The following EYS variants were observed in gnomAD, a reference collection of about 807,000 sequenced individuals.
EYS encodes protein eyes shut homolog.
A neutral mutation model predicts 282.1 loss-of-function variants in EYS; 250 were observed. The ratio of observed to expected loss-of-function variants is 0.89; its 90% CI spans 0.80 to 0.98. The LOEUF (loss-of-function observed/expected upper bound fraction) is 0.98, where lower values mean the gene tolerates loss of function less well. EYS is among the 50% of genes least tolerant of loss of function. The pLI, the probability that EYS is intolerant of heterozygous loss-of-function variation, is 0.00. For synonymous variants in EYS, 1,355 were observed against 1,282.9 expected (o/e 1.06, Z -1.20); for missense variants, 4,016 against 3,709.0 (o/e 1.08, Z -2.15).
chr6:65,379,085 AAAG>A (rs1765510567), intron 8 of EYS, among the ~76,000 whole-genome samples: 1 of 152,018 alleles, frequency 6.6e-6, no homozygotes, highest in African/African-American at 2.4e-5. Context: ...AACAGAAAAA[AAAG>A]AGAGGGACTC....
chr6:63,772,330 T>C (rs1769951594), intron 40 of EYS, among the ~76,000 whole-genome samples: 1 of 152,150 alleles, frequency 6.6e-6, no homozygotes, highest in African/African-American at 2.4e-5. Context: ...TTCCAGTTCA[T>C]ATTAAGGATT....
intron 35 of EYS, among the ~76,000 whole-genome samples, chr6:63,957,784 C>T (rs1478853898): frequency 7.1e-6 from 1 of 140,480 alleles, no homozygotes; most frequent in African/African-American, 2.4e-5. Context: ...GAGCTATCAA[C>T]AAAATAAATG....
chr6:64,494,490 T>C (rs1052170252), intron 26 of EYS, among the ~76,000 whole-genome samples: 5 of 151,646 alleles, frequency 3.3e-5, no homozygotes, highest in African/African-American at 1.2e-4. Context: ...TCTGCCATTC[T>C]ACAAGTTCCT....
intron 14 of EYS, among the ~76,000 whole-genome samples, chr6:64,963,801 T>C (rs1770005783): frequency 6.6e-6 from 1 of 152,216 alleles, no homozygotes; most frequent in Non-Finnish European, 1.5e-5. Flanking sequence ...GTCTTTTGTA[T>C]ATCAAAAGTT....
At chr6:64,874,599 A>T (rs1166322440) in intron 19 of EYS, among the ~76,000 whole-genome samples, 5 of 152,064 alleles carry the variant, frequency 3.3e-5, no homozygotes, top group Non-Finnish European at 2.9e-5. Flanking sequence ...AGGAAGTAAA[A>T]TTGAGGAGCT....
chr6:64,896,100 G>C (rs942626775), intron 18 of EYS, among the ~76,000 whole-genome samples: 9 of 152,034 alleles, frequency 5.9e-5, no homozygotes, highest in African/African-American at 2.2e-4. Context: ...TTCTTACAAA[G>C]CCATAAGAAG....
At chr6:64,186,659 T>C (rs1369642235) in intron 31 of EYS, among the ~76,000 whole-genome samples, 1 of 151,908 alleles carries the variant, frequency 6.6e-6, no homozygotes, top group Non-Finnish European at 1.5e-5. Flanking sequence ...TCTCCTGGAG[T>C]GAAAGCAACT....
At chr6:63,836,954 T>C (rs1027869413) in intron 36 of EYS, among the ~76,000 whole-genome samples, 1 of 152,024 alleles carries the variant, frequency 6.6e-6, no homozygotes, top group Non-Finnish European at 1.5e-5. Flanking sequence ...TGCCTTTTTT[T>C]TGAAATGAAA....
At chr6:63,915,226 T>C (rs2149740248) in intron 35 of EYS, among the ~76,000 whole-genome samples, 1 of 152,290 alleles carries the variant, frequency 6.6e-6, no homozygotes, top group Non-Finnish European at 1.5e-5. Context: ...TCATTTACCA[T>C]CCTGAAAATC....
Position 64,151,313 on chromosome 6 carries a change from A to ATATT in EYS, c.6425-69315_6425-69312dup, listed in dbSNP as rs1199559950. On this transcript the variant is annotated intron_variant, in intron 31 of 42. Transcript: ENST00000503581. ...TATGTTTTCACACGTGTGTGTGTGT[A>ATATT]TATTTATATATATATATATATATAT... 3.7e-4 allele frequency among the ~76,000 whole-genome samples: 19 copies of ATATT among 50,936 alleles called. No homozygotes were observed. In the East Asian group the frequency reaches 0.012, roughly 31 times the overall value. The allele number at this position is 50,936 out of a possible 152,430, so 33.4% of individuals were successfully genotyped here. A position where few individuals can be genotyped will look rare whatever the true frequency, so the allele number is the denominator to read the frequency against.
At chr6:63,850,770 T>C (rs1479391496) in intron 36 of EYS, among the ~76,000 whole-genome samples, 1 of 152,088 alleles carries the variant, frequency 6.6e-6, no homozygotes, top group Non-Finnish European at 1.5e-5. Flanking sequence ...GACCAAACAA[T>C]GTGCAAAATA....
At chr6:64,884,732 ACTT>A (rs539376010) in intron 19 of EYS, among the ~76,000 whole-genome samples, 65 of 151,742 alleles carry the variant, frequency 4.3e-4, no homozygotes, top group African/African-American at 1.1e-3. Context: ...GAGGGGGAAA[ACTT>A]CTTTTTGAAT....
At chr6:63,928,322 T>C (rs1212905191) in intron 35 of EYS, among the ~76,000 whole-genome samples, 1 of 152,228 alleles carries the variant, frequency 6.6e-6, no homozygotes, top group Non-Finnish European at 1.5e-5. Context: ...AATGCTATAC[T>C]GATTCATTCT....
intron 30 of EYS, among the ~76,000 whole-genome samples, chr6:64,281,331 G>C (rs1768302712): frequency 1.3e-5 from 2 of 152,064 alleles, no homozygotes; most frequent in African/African-American, 4.8e-5. Flanking sequence ...GAAATGAGTA[G>C]TGCTAAGGTG....
intron 31 of EYS, among the ~76,000 whole-genome samples, chr6:64,205,219 C>T (rs1193666790): frequency 1.3e-5 from 2 of 152,058 alleles, no homozygotes; most frequent in Non-Finnish European, 2.9e-5. Flanking sequence ...TTGCATAATT[C>T]TATTTCTTTA....
At chr6:64,052,849 C>T (rs955316460) in intron 33 of EYS, among the ~76,000 whole-genome samples, 2 of 152,136 alleles carry the variant, frequency 1.3e-5, no homozygotes, top group African/African-American at 2.4e-5. Context: ...GAAGAGGTGC[C>T]TTCTGCCATG....
chr6:65,380,435 T>A (rs920694312), intron 8 of EYS, among the ~76,000 whole-genome samples: 4 of 152,158 alleles, frequency 2.6e-5, no homozygotes, highest in Admixed American at 1.3e-4. Context: ...AAACTGAAAC[T>A]GGACCTCTTC....
chr6:64,981,072 C>T (rs1770647788), intron 14 of EYS, among the ~76,000 whole-genome samples: 1 of 151,102 alleles, frequency 6.6e-6, no homozygotes, highest in Admixed American at 6.6e-5. Context: ...TAGAATTTGC[C>T]TAAGGTTATA....
In EYS at chr6:63,844,030, A is replaced by G. The variant is rs146535501; in HGVS notation, c.7228+20156T>C. Reference sequence around the variant, plus strand: ...CAGCCCACACACCCTGACAGGCCCCACTGTGTGTTGTTCCCCTCCCTGTGT... The same window carrying G: ...CAGCCCACACACCCTGACAGGCCCCGCTGTGTGTTGTTCCCCTCCCTGTGT... On this transcript the variant is annotated intron_variant, in intron 36 of 42. Transcript: ENST00000503581. 4.4e-3 allele frequency among the ~76,000 whole-genome samples: 666 copies of G among 152,184 alleles called. 6 individuals are homozygous for G. Among genetic ancestry groups the G allele is most frequent in the African/African-American group, 0.015 (640 of 41,532 alleles).
Sources: gnomAD v4.1 joint callset for allele counts (sites outside exome capture counted in the v4.1 genomes callset) on GRCh38, gnomAD v4.1.1 for gene constraint, MANE v1.5 for transcripts, NCBI Gene and HGNC (gene_info 2026-07-23, HGNC 2026-07-21) for gene names.